Variants in VWF observed in about 807,000 individuals in gnomAD.
VWF encodes the protein von Willebrand factor.
Under a neutral mutation model 308.6 loss-of-function variants are expected in VWF, and 176 were observed. The ratio of observed to expected loss-of-function variants is 0.57; its 90% confidence interval spans 0.50 to 0.65. The LOEUF is 0.65. Ranked by LOEUF, VWF falls within the 30% of genes least tolerant of loss-of-function variation. VWF has a pLI of 0.00. For missense variants in VWF, 3,146 were observed against 3,648.2 expected, an observed-to-expected ratio of 0.86 and a Z score of 3.55; for synonymous variants, 1,385 against 1,443.4, an observed-to-expected ratio of 0.96 and a Z score of 0.92.
chr12:6,023,654 G>A lies in VWF; in HGVS notation c.3356C>T (p.Thr1119Ile), dbSNP rs751419967. 3.7e-6 allele frequency: 6 copies of A among 1,613,790 alleles called. No individual in the cohort carries two copies. The African/African-American group carries it at 6.7e-5, about 18-fold the overall frequency. ...ACGGCACAATGTGGCCGTCCTCCAG[G>A]TCACCACCTTGCCATGCTGGGCACA... Reference protein sequence around the residue: ...HVCAQHGKVVTWRTATLCPQS... With the variant: ...HVCAQHGKVVIWRTATLCPQS... Residue 1119 changes from threonine to isoleucine, a missense_variant, in exon 25 of 52, where the codon ACC (threonine) becomes ATC (isoleucine). Thr to Ile is a moderately conservative substitution (Grantham distance 89). Around this residue, in one of 3 missense-constraint regions of VWF, gnomAD observed 853 missense variants for 1,177.8 expected, o/e 0.72. Coordinates refer to ENST00000261405, the MANE Select transcript of VWF (RefSeq NM_000552.5).
At chr12:5,966,297 A>T (rs1565812040) in intron 47 of VWF, among the ~76,000 whole-genome samples, 1 of 152,198 alleles carries the variant, frequency 6.6e-6, no homozygotes, top group Non-Finnish European at 1.5e-5. Flanking sequence ...ACACGCACAC[A>T]CACACGTGTG....
At chr12:6,109,368 G>C (rs1945279346) in intron 5 of VWF, among the ~76,000 whole-genome samples, 1 of 152,006 alleles carries the variant, frequency 6.6e-6, no homozygotes, top group South Asian at 2.1e-4. Flanking sequence ...TGCAACTAAA[G>C]TGATATTTAG....
At chr12:6,083,905 T>C (rs546167609) in intron 6 of VWF, among the ~76,000 whole-genome samples, 8 of 152,290 alleles carry the variant, frequency 5.3e-5, no homozygotes, top group African/African-American at 1.4e-4. Context: ...TGCGGGAATG[T>C]AGTTGTGATG....
At chr12:6,002,336 T>A (rs2136394281) in intron 34 of VWF, among the ~76,000 whole-genome samples, 1 of 151,924 alleles carries the variant, frequency 6.6e-6, no homozygotes, top group African/African-American at 2.4e-5. Context: ...CATGAGTTAA[T>A]TTGATCAAGA....
intron 47 of VWF, among the ~76,000 whole-genome samples, chr12:5,957,608 ACATACTT>A: frequency 6.6e-6 from 1 of 152,090 alleles, no homozygotes; most frequent in African/African-American, 2.4e-5. Context: ...AGACTAAGAA[ACATACTT>A]AAAGTGATGA....
chr12:5,996,154 T>C lies in VWF; in HGVS notation c.5911A>G (p.Ser1971Gly), dbSNP rs769219244. The change falls in exon 35 of 52, where the codon AGC becomes GGC. Residue 1971 changes from serine to glycine, a missense_variant. Around this residue, in one of 3 missense-constraint regions of VWF, gnomAD observed 989 missense variants for 1,117.4 expected, o/e 0.89. Coordinates refer to ENST00000261405, the MANE Select transcript of VWF (RefSeq NM_000552.5). ...FDGQNFKLTG[S>G]CSYVLFQNKE... ...TTTTGAAATAGGACATAAGAACAGC[T>C]GCCAGTCAGCTTGAAATTCTGCCCA... 1 of 1,614,086 alleles carries C rather than the reference T, an allele frequency of 6.2e-7. No homozygotes were observed. The highest frequency in any genetic ancestry group is 8.5e-7 in the Non-Finnish European group (1 of 1,180,020).
At chr12:6,092,616 A>AGAGTGAGAGTGAGAGAGAGAGAGT (rs1555073711) in intron 6 of VWF, among the ~76,000 whole-genome samples, 4 of 96,622 alleles carry the variant, frequency 4.1e-5, no homozygotes, top group African/African-American at 2.2e-4. Flanking sequence ...TGAGTGAGTG[A>AGAGTGAGAGTGAGAGAGAGAGAGT]GAGTGTGTGT....
chr12:6,081,561 A>T (rs1944910416), intron 6 of VWF, among the ~76,000 whole-genome samples: 1 of 152,078 alleles, frequency 6.6e-6, no homozygotes, highest in Admixed American at 6.6e-5. Context: ...GATGGCCTCG[A>T]TCTCCTGACC....
chr12:6,052,733 T>C lies in VWF; in HGVS notation c.1996A>G (p.Asn666Asp). ...QVYLQCGTPC[N>D]LTCRSLSYPD... ...TAAGAGAGAGAGCGGCAGGTCAGGT[T>C]GCAGGGGGTCCCGCACTGCAGGTAC... Residue 666 changes from asparagine (N) to aspartate (D), a missense_variant, in exon 16 of 52, where the codon AAC (asparagine) becomes GAC (aspartate). Coordinates refer to ENST00000261405, the MANE Select transcript of VWF (RefSeq NM_000552.5). 1 of 1,614,122 alleles carries C rather than the reference T, an allele frequency of 6.2e-7. No individual in the cohort carries two copies. Among genetic ancestry groups the C allele is most frequent in the South Asian group, 1.1e-5 (1 of 91,086 alleles).
chr12:6,122,468 C>CT (rs1945442537), intron 2 of VWF, among the ~76,000 whole-genome samples: 1 of 152,166 alleles, frequency 6.6e-6, no homozygotes, highest in African/African-American at 2.4e-5. Flanking sequence ...CAGTAAATCT[C>CT]TAAGTGTTCT....
intron 17 of VWF, among the ~76,000 whole-genome samples, chr12:6,045,226 T>C (rs535572690): frequency 5.3e-5 from 8 of 152,364 alleles, no homozygotes; most frequent in African/African-American, 1.9e-4. Context: ...ACAGCACCTT[T>C]CTTTCCAAAG....
At chr12:5,983,028 AG>A in intron 41 of VWF, 121 bp downstream of exon 41, 1 of 1,029,810 alleles carries the variant, frequency 9.7e-7, no homozygotes, top group South Asian at 1.4e-5. Flanking sequence ...CTCCCAACCC[AG>A]ATTCAGCTAG....
intron 41 of VWF, among the ~76,000 whole-genome samples, chr12:5,982,354 C>T (rs545247067): frequency 1.1e-4 from 16 of 152,272 alleles, no homozygotes; most frequent in Non-Finnish European, 2.1e-4. Context: ...CCACGCCCTG[C>T]TAAGCACTGT....
intron 3 of VWF, among the ~76,000 whole-genome samples, chr12:6,111,741 G>A (rs2136523759): frequency 6.7e-6 from 1 of 150,324 alleles, no homozygotes; most frequent in East Asian, 1.9e-4. Flanking sequence ...ACGAGGTCAG[G>A]AGATCGAGAC....
rs1160424430 is a variant in VWF, at chr12:6,011,688, C to T, written c.5771G>A (p.Arg1924Lys). The change falls in exon 34 of 52, where the codon AGG becomes AAG. Residue 1924 changes from arginine (R) to lysine (K), a missense_variant. By Grantham distance (26) the Arg-to-Lys change is conservative. Transcript: ENST00000261405. ...SHRVNCDRGL[R>K]PSCPNSQSPV... The stretch of plus-strand genomic sequence containing the variant: ...GGACTGGCTGTTAGGGCACGAAGGC[C>T]TCAGCCCCCGGTCACAGTTGACCCG... 2 of 1,613,946 alleles carry T rather than the reference C, an allele frequency of 1.2e-6. No homozygotes were observed. Among genetic ancestry groups the T allele is most frequent in the East Asian group, 2.2e-5 (1 of 44,876 alleles).
intron 34 of VWF, among the ~76,000 whole-genome samples, chr12:6,005,516 G>T (rs755630153): frequency 1.1e-4 from 16 of 152,072 alleles, no homozygotes; most frequent in Non-Finnish European, 1.5e-5. Context: ...GCTTCAAGAA[G>T]CCCAAAAGAC....
chr12:6,029,553 T>A (rs1944234793), intron 21 of VWF, 65 bp from the exon 22 acceptor site: 6 of 1,596,982 alleles, frequency 3.8e-6, no homozygotes, highest in Non-Finnish European at 5.1e-6. Flanking sequence ...AGATCCTCCC[T>A]CCACTCTACA....
chr12:5,978,331 C>G (rs934150776), intron 42 of VWF, among the ~76,000 whole-genome samples: 1 of 152,078 alleles, frequency 6.6e-6, no homozygotes, highest in Non-Finnish European at 1.5e-5. Flanking sequence ...GGCACAATCT[C>G]GGCTCACTGC....
chr12:6,080,044 T>A (rs889804926), intron 6 of VWF, among the ~76,000 whole-genome samples: 8 of 151,390 alleles, frequency 5.3e-5, no homozygotes, highest in African/African-American at 1.9e-4. Flanking sequence ...CCCCACTAAC[T>A]CCCACCCCAC....
Sources: allele counts gnomAD v4.1 joint callset (sites outside exome capture counted in the v4.1 genomes callset), GRCh38; gene constraint gnomAD v4.1.1; regional missense constraint gnomAD v4.1.1; transcripts MANE v1.5; gene names NCBI Gene and HGNC (gene_info 2026-07-23, HGNC 2026-07-21).